Variants in CCDC152 observed in about 807,000 individuals in gnomAD.
CCDC152 encodes coiled-coil domain containing 152, also known as coiled-coil domain-containing protein 152.
CCDC152 carries 37 observed loss-of-function variants against 38.1 expected under a neutral mutation model. That is an observed-to-expected ratio of 0.97 (90% confidence interval 0.75 to 1.28). The LOEUF (loss-of-function observed/expected upper bound fraction) is 1.28. Among genes scored for constraint, CCDC152 ranks in the 50% most tolerant of loss-of-function variants. The pLI is 0.00. For synonymous variants in CCDC152, 83 were observed against 87.1 expected, an observed-to-expected ratio of 0.95 and a Z score of 0.26; for missense variants, 259 against 292.1, an observed-to-expected ratio of 0.89 and a Z score of 0.83.
Position 42,762,157 on chromosome 5 carries a change from A to G in CCDC152, c.88-286A>G, listed in dbSNP as rs112284467. Among the ~76,000 whole-genome samples, 716 of 152,346 alleles carry G rather than the reference A, an allele frequency of 4.7e-3. 6 individuals carry two copies. Among genetic ancestry groups the G allele is most frequent in the South Asian group, 8.7e-3 (42 of 4,828 alleles). On this transcript the variant is annotated intron_variant, in intron 2 of 8. Transcript: ENST00000361970. The stretch of plus-strand genomic sequence containing the variant: ...AGGCAAGTGTAACATAATGGTAAGT[A>G]TTTGTATATCTAAACATAGAAAAGG...
chr5:42,768,201 T>C (rs1205508529), intron 3 of CCDC152, among the ~76,000 whole-genome samples: 1 of 152,216 alleles, frequency 6.6e-6, no homozygotes, highest in East Asian at 1.9e-4. Flanking sequence ...ACAGTATTGG[T>C]TCTTTCATTC....
chr5:42,771,531 A>G (rs1759698869), intron 4 of CCDC152, among the ~76,000 whole-genome samples: 2 of 151,978 alleles, frequency 1.3e-5, no homozygotes. Flanking sequence ...GCTTGGCTAC[A>G]CTGAAAAAAA....
chr5:42,762,476 C>G lies in CCDC152; in HGVS notation c.121C>G (p.Leu41Val), dbSNP rs1759565355. The change falls in exon 3 of 9, where the codon CTG (leucine) becomes GTG (valine). Residue 41 changes from leucine (L) to valine (V), a missense_variant. Leu to Val is a conservative substitution (Grantham distance 32). Transcript: ENST00000361970. The stretch of plus-strand genomic sequence containing the variant: ...AGAAACCAATGGAAAGAACAATATA[C>G]TGGATATTCAGTTGGAAAAAAGTAA... ...MVETNGKNNI[L>V]DIQLEKSNCL... is the part of the protein sequence containing the mutation. 6.5e-7 allele frequency: 1 copy of G among 1,532,590 alleles called. No homozygotes were observed. The highest frequency in any genetic ancestry group is 1.4e-5 in the African/African-American group (1 of 72,700). The allele number at this position is 1,532,590 out of a possible 1,614,324, so 94.9% of individuals were successfully genotyped here.
In CCDC152 at chr5:42,800,866, G is replaced by A. The variant is rs770189876; in HGVS notation, c.*1085G>A. On this transcript the variant is annotated 3_prime_UTR_variant, in exon 9 of 9. Coordinates refer to ENST00000361970, the MANE Select transcript of CCDC152 (RefSeq NM_001134848.2). ...GATTCAGTTATGTTCTCCTCTGCCCGAAGTCCCTGTCAGCTACATAAAGAT... is the reference window on the plus strand; with the variant it reads ...GATTCAGTTATGTTCTCCTCTGCCCAAAGTCCCTGTCAGCTACATAAAGAT... 3.7e-6 allele frequency: 6 copies of A among 1,614,050 alleles called. No homozygotes were observed. The highest frequency in any genetic ancestry group is 1.7e-5 in the Admixed American group (1 of 59,992).
intron 4 of CCDC152, among the ~76,000 whole-genome samples, chr5:42,773,962 T>C (rs1295454642): frequency 6.6e-6 from 1 of 152,210 alleles, no homozygotes; most frequent in Non-Finnish European, 1.5e-5. Context: ...TTAATGAAAA[T>C]CCTTCAAACG....
Position 42,759,203 on chromosome 5 carries a change from G to A in CCDC152, c.82G>A (p.Glu28Lys). 1 of 1,539,376 alleles carries A rather than the reference G, an allele frequency of 6.5e-7. No homozygotes were observed. The highest frequency in any genetic ancestry group is 8.8e-7 in the Non-Finnish European group (1 of 1,136,660). ...ACTTATAAATGACTTCTCACAGATAGAAAAGGTATGTAAAGATAGAAAACA... is the reference window on the plus strand; with the variant it reads ...ACTTATAAATGACTTCTCACAGATAAAAAAGGTATGTAAAGATAGAAAACA... ...DKLINDFSQI[E>K]KKMVETNGKN... Residue 28 changes from glutamate to lysine, a missense_variant, in exon 2 of 9, where the codon GAA becomes AAA. Transcript: ENST00000361970.
chr5:42,796,459 T>C (rs1760077054), intron 6 of CCDC152, among the ~76,000 whole-genome samples: 1 of 152,192 alleles, frequency 6.6e-6, no homozygotes, highest in Non-Finnish European at 1.5e-5. Flanking sequence ...TCATATGGAA[T>C]AGTATAGCAG....
chr5:42,799,179 C>T (rs997031468), intron 7 of CCDC152, among the ~76,000 whole-genome samples, 196 bp from the exon 8 acceptor site: 1 of 151,920 alleles, frequency 6.6e-6, no homozygotes, highest in Admixed American at 6.6e-5. Flanking sequence ...GCCGTGCAAT[C>T]AGGGTTAATC....
rs1055960568 is a variant in CCDC152, at chr5:42,783,608, T to C, written c.430+32T>C. 32 of 1,124,652 alleles carry C rather than the reference T, an allele frequency of 2.8e-5. No individual in the cohort carries two copies. In the African/African-American group the frequency reaches 4.7e-4, roughly 17 times the overall value. The allele number at this position is 1,124,652 out of a possible 1,614,324, so 69.7% of individuals were successfully genotyped here. A position where few individuals can be genotyped will look rare whatever the true frequency, so the allele number is the denominator to read the frequency against. Reference sequence around the variant, plus strand: ...TTAAAATAAACTTGCTTTTTTGTTATTGATTCAACAGATATAATGTGTGGG... The same window carrying C: ...TTAAAATAAACTTGCTTTTTTGTTACTGATTCAACAGATATAATGTGTGGG... On this transcript the variant is annotated intron_variant, in intron 6 of 8. Coordinates refer to ENST00000361970, the MANE Select transcript of CCDC152 (RefSeq NM_001134848.2).
intron 6 of CCDC152, among the ~76,000 whole-genome samples, chr5:42,785,242 T>C (rs1185516719): frequency 1.3e-5 from 2 of 152,130 alleles, no homozygotes; most frequent in Non-Finnish European, 2.9e-5. Context: ...ATGGAATGCT[T>C]TTTCATTTGT....
chr5:42,773,613 T>C (rs1185362762), intron 4 of CCDC152, among the ~76,000 whole-genome samples: 2 of 152,126 alleles, frequency 1.3e-5, no homozygotes, highest in Non-Finnish European at 2.9e-5. Context: ...CCTTTCAAAA[T>C]GGACAAGTAG....
chr5:42,800,499 A>G lies in CCDC152; in HGVS notation c.*718A>G. On this transcript the variant is annotated 3_prime_UTR_variant, in exon 9 of 9. Coordinates refer to ENST00000361970, the MANE Select transcript of CCDC152 (RefSeq NM_001134848.2). ...AAGAAAAAAAAAGACATATTAACCAAAAGCTGCAATCACCTTTCAGTTGCT... is the reference window on the plus strand; with the variant it reads ...AAGAAAAAAAAAGACATATTAACCAGAAGCTGCAATCACCTTTCAGTTGCT... 2.0e-6 allele frequency: 1 copy of G among 501,376 alleles called. No individual in the cohort carries two copies. The highest frequency in any genetic ancestry group is 3.4e-6 in the Non-Finnish European group (1 of 295,282). 31.1% of individuals were successfully genotyped at this position (501,376 alleles called of 1,614,324 possible). A position where few individuals can be genotyped will look rare whatever the true frequency, so the allele number is the denominator to read the frequency against.
chr5:42,789,191 C>T (rs927356285), intron 6 of CCDC152, among the ~76,000 whole-genome samples: 37 of 152,222 alleles, frequency 2.4e-4, no homozygotes, highest in Admixed American at 2.4e-3. Context: ...AGCACCCTCA[C>T]TTACCCTTTC....
At chr5:42,775,813 T>A (rs987714369) in intron 4 of CCDC152, among the ~76,000 whole-genome samples, 2 of 152,064 alleles carry the variant, frequency 1.3e-5, no homozygotes, top group African/African-American at 4.8e-5. Context: ...TATGAATACT[T>A]TAGTATAAAG....
chr5:42,789,346 A>G (rs553193382), intron 6 of CCDC152, among the ~76,000 whole-genome samples: 2 of 152,234 alleles, frequency 1.3e-5, no homozygotes, highest in African/African-American at 4.8e-5. Flanking sequence ...TCCATTCACA[A>G]GTAACTTTGA....
chr5:42,762,752 T>C (rs1295789458), intron 3 of CCDC152, among the ~76,000 whole-genome samples: 2 of 152,124 alleles, frequency 1.3e-5, no homozygotes, highest in Non-Finnish European at 2.9e-5. Flanking sequence ...TGAAGAAACA[T>C]AGAATGAGAC....
chr5:42,774,686 T>C (rs1759749000), intron 4 of CCDC152, among the ~76,000 whole-genome samples: 1 of 152,180 alleles, frequency 6.6e-6, no homozygotes, highest in Non-Finnish European at 1.5e-5. Flanking sequence ...CTTCTCCTTC[T>C]GCAACACCTT....
chr5:42,783,309 G>GT (rs1759873108), intron 5 of CCDC152, among the ~76,000 whole-genome samples, 165 bp from the exon 6 acceptor site: 1 of 151,796 alleles, frequency 6.6e-6, no homozygotes, highest in African/African-American at 2.4e-5. Flanking sequence ...AGGTGAAATT[G>GT]TTCATTTATA....
At chr5:42,770,202 A>G (rs1439129079) in intron 4 of CCDC152, among the ~76,000 whole-genome samples, 5 of 152,208 alleles carry the variant, frequency 3.3e-5, no homozygotes, top group African/African-American at 1.2e-4. Context: ...GATGGCTGTG[A>G]GATTTTCTTC....
Sources: allele counts gnomAD v4.1 joint callset (sites outside exome capture counted in the v4.1 genomes callset), GRCh38; gene constraint gnomAD v4.1.1; transcripts MANE v1.5; gene names NCBI Gene and HGNC (gene_info 2026-07-23, HGNC 2026-07-21).